SNX8: variants seen among roughly 807,000 people sequenced by gnomAD.
SNX8 encodes sorting nexin-8.
In SNX8, 25 loss-of-function variants were observed where a neutral mutation model predicts 51.6. The ratio of observed to expected loss-of-function variants is 0.48; its 90% CI spans 0.35 to 0.68. The LOEUF (loss-of-function observed/expected upper bound fraction) is 0.68, where lower values mean the gene tolerates loss of function less well. Ranked by LOEUF, SNX8 falls within the 30% of genes least tolerant of loss-of-function variation. SNX8 has a pLI of 0.00. For missense variants in SNX8, 695 were observed against 624.0 expected (o/e 1.11, Z -1.21); for synonymous variants, 324 against 277.0 (o/e 1.17, Z -1.68).
rs184191920 is a variant in SNX8, at chr7:2,319,853, G to A, written c.-66+34369C>T. On this transcript the variant is annotated intron_variant, in intron 1 of 5. Transcript: ENST00000435336. Reference sequence around the variant, plus strand: ...AAATTAGCTGGGTGTGGTGGCGGGCGCCTGTAGTCCCAGCTACTCAGGAGG... The same window carrying A: ...AAATTAGCTGGGTGTGGTGGCGGGCACCTGTAGTCCCAGCTACTCAGGAGG... Among the ~76,000 whole-genome samples, 22 of 150,192 alleles carry A rather than the reference G, an allele frequency of 1.5e-4. No homozygotes were observed. The East Asian group carries it at 3.7e-3, about 25-fold the overall frequency.
chr7:2,298,849 G>A (rs1392716269), intron 1 of SNX8, among the ~76,000 whole-genome samples: 2 of 151,146 alleles, frequency 1.3e-5, no homozygotes, highest in African/African-American at 4.9e-5. Flanking sequence ...ATGCTACCAC[G>A]CCTAGCTAAT....
chr7:2,297,465 G>A (rs1397753714), intron 1 of SNX8, among the ~76,000 whole-genome samples: 6 of 140,280 alleles, frequency 4.3e-5, no homozygotes, highest in Admixed American at 8.2e-5. Context: ...CAGGAGAATC[G>A]CTTGAACCCA....
At chr7:2,292,776 T>C (rs958923108) in intron 1 of SNX8, among the ~76,000 whole-genome samples, 1 of 151,870 alleles carries the variant, frequency 6.6e-6, no homozygotes, top group Non-Finnish European at 1.5e-5. Flanking sequence ...ACCCAGCAAT[T>C]TGGGAGGTTG....
At chr7:2,280,338 AC>A (rs1795881483) in intron 1 of SNX8, among the ~76,000 whole-genome samples, 1 of 151,984 alleles carries the variant, frequency 6.6e-6, no homozygotes. Flanking sequence ...TTTGTTTTTT[AC>A]ATGTTAGCGC....
chr7:2,349,561 C>G (rs1779100931), intron 1 of SNX8, among the ~76,000 whole-genome samples: 1 of 151,558 alleles, frequency 6.6e-6, no homozygotes, highest in Non-Finnish European at 1.5e-5. Context: ...TCTCCTGCCT[C>G]AGCCTCCCAA....
At chr7:2,330,514 T>C (rs926872653) in intron 1 of SNX8, among the ~76,000 whole-genome samples, 5 of 152,080 alleles carry the variant, frequency 3.3e-5, no homozygotes, top group South Asian at 2.1e-4. Context: ...AGCAAATTAA[T>C]TGAACCCCAA....
intron 4 of SNX8, 35 bp downstream of exon 4, chr7:2,271,815 C>T (rs779972748): frequency 7.6e-6 from 12 of 1,570,968 alleles, no homozygotes; most frequent in East Asian, 2.3e-5. Flanking sequence ...GGGGACTCCC[C>T]GGGGCCGGGA....
intron 1 of SNX8, among the ~76,000 whole-genome samples, chr7:2,309,292 C>G (rs1796613247): frequency 1.3e-5 from 2 of 152,112 alleles, no homozygotes; most frequent in Admixed American, 6.5e-5. Context: ...GAGGCCAAAG[C>G]AAGTGGATCA....
At chr7:2,267,089 G>C (rs1795481876) in intron 5 of SNX8, among the ~76,000 whole-genome samples, 1 of 152,188 alleles carries the variant, frequency 6.6e-6, no homozygotes, top group Admixed American at 6.5e-5. Context: ...CTTGGCAAAT[G>C]ACAGCCTCCC....
intron 1 of SNX8, among the ~76,000 whole-genome samples, chr7:2,305,307 T>C (rs780228211): frequency 1.5e-4 from 23 of 152,200 alleles, no homozygotes; most frequent in Non-Finnish European, 2.8e-4. Flanking sequence ...TCAGTCCAGA[T>C]AGTCCTACAA....
At chr7:2,263,109 C>T in intron 7 of SNX8, 121 bp downstream of exon 7, 2 of 1,216,210 alleles carry the variant, frequency 1.6e-6, no homozygotes. Context: ...CAGAGGGAGA[C>T]TCCTTCTCAA....
rs1218131478 is a variant in SNX8, at chr7:2,298,257, A to G, written c.94+16071T>C. Among the ~76,000 whole-genome samples the G allele has an allele frequency of 3.3e-5, 5 of 152,060 alleles. No homozygotes were observed. The East Asian group carries it at 5.8e-4, about 18-fold the overall frequency. ...CTCAGACTCCCGAGTAGCCGGGGCT[A>G]CAGGCCTGCCCCATCATGTGCAGCT... On this transcript the variant is annotated intron_variant, in intron 1 of 10. Coordinates refer to ENST00000222990, the MANE Select transcript of SNX8 (RefSeq NM_013321.4).
chr7:2,341,035 G>T (rs975506584), intron 1 of SNX8, among the ~76,000 whole-genome samples: 1 of 151,058 alleles, frequency 6.6e-6, no homozygotes, highest in Non-Finnish European at 1.5e-5. Context: ...AATTAGCCAG[G>T]CATGGTGGCA....
chr7:2,260,076 A>G (rs1396781988), intron 7 of SNX8, among the ~76,000 whole-genome samples: 1 of 152,080 alleles, frequency 6.6e-6, no homozygotes, highest in African/African-American at 2.4e-5. Context: ...TAAATCTCAT[A>G]ATGTTTTCAG....
At chr7:2,287,416 T>C (rs971600918) in intron 1 of SNX8, among the ~76,000 whole-genome samples, 3 of 151,864 alleles carry the variant, frequency 2.0e-5, no homozygotes, top group African/African-American at 7.3e-5. Context: ...CCATCTCTAC[T>C]AAAAATACAA....
At chr7:2,310,522 C>T (rs1170053185) in intron 1 of SNX8, among the ~76,000 whole-genome samples, 1 of 152,094 alleles carries the variant, frequency 6.6e-6, no homozygotes, top group East Asian at 1.9e-4. Flanking sequence ...AATCTCAGCA[C>T]TTTGGTAGGC....
chr7:2,269,568 G>C lies in SNX8; in HGVS notation c.612C>G (p.Thr204=), dbSNP rs761483161. The change falls in exon 5 of 11, where the codon ACC becomes ACG. Residue 204 remains threonine, a synonymous_variant. Transcript: ENST00000222990. ...GDEFLNCKLA[T]RAKDFLPADI... ...AAAAAAAGAAAAATACCTTGGCCCTGGTAGCCAGCTTACAGTTCAGGAATT... is the reference window on the plus strand; with the variant it reads ...AAAAAAAGAAAAATACCTTGGCCCTCGTAGCCAGCTTACAGTTCAGGAATT... 1.9e-6 allele frequency: 3 copies of C among 1,556,540 alleles called. No homozygotes were observed. The highest frequency in any genetic ancestry group is 1.7e-6 in the Non-Finnish European group (2 of 1,153,952).
chr7:2,300,964 A>G lies in SNX8; in HGVS notation c.94+13364T>C, dbSNP rs1410543900. Among the ~76,000 whole-genome samples, 3 of 152,190 alleles carry G rather than the reference A, an allele frequency of 2.0e-5. No individual in the cohort carries two copies. The East Asian group carries it at 5.8e-4, about 29-fold the overall frequency. The stretch of plus-strand genomic sequence containing the variant: ...AGCCCCTGTTGTGGAGCTTAAACCC[A>G]ACCTCGAACGAGACAAGTAACCATT... On this transcript the variant is annotated intron_variant, in intron 1 of 10. Coordinates refer to ENST00000222990, the MANE Select transcript of SNX8 (RefSeq NM_013321.4).
chr7:2,290,494 ACT>A lies in SNX8; in HGVS notation c.95-12191_95-12190del, dbSNP rs563522759. 6.1e-3 allele frequency among the ~76,000 whole-genome samples: 935 copies of A among 152,152 alleles called. 10 individuals carry two copies. The highest frequency in any genetic ancestry group is 5.7e-3 in the Non-Finnish European group (389 of 68,014). On this transcript the variant is annotated intron_variant, in intron 1 of 10. Transcript: ENST00000222990. ...ACTCTAGCCTCAGTGACAGAATGAG[ACT>A]CTGTCTCAAAAAATAAAGAAAAGAA...
Sources: gnomAD v4.1 joint callset for allele counts (sites outside exome capture counted in the v4.1 genomes callset) on GRCh38, gnomAD v4.1.1 for gene constraint, MANE v1.5 for transcripts, NCBI Gene and HGNC (gene_info 2026-07-23, HGNC 2026-07-21) for gene names.